DMD: variants seen among roughly 807,000 people sequenced by gnomAD.
DMD encodes dystrophin, also known as mutant dystrophin.
A neutral mutation model predicts 330.1 loss-of-function variants in DMD; 63 were observed. That is an observed-to-expected ratio of 0.19 (90% CI 0.16 to 0.24). DMD has a LOEUF of 0.24. DMD is among the 10% of genes least tolerant of loss of function. DMD has a pLI of 1.00. For missense variants in DMD, 3,344 were observed against 2,684.1 expected, an observed-to-expected ratio of 1.25 and a Z score of -5.43; for synonymous variants, 1,223 against 959.8, an observed-to-expected ratio of 1.27 and a Z score of -5.07.
intron 2 of DMD, among the ~76,000 whole-genome samples, chrX:32,860,127 T>C (rs151139993): frequency 0.019 from 2,118 of 111,805 alleles, 53 homozygotes; most frequent in African/African-American, 0.065. Flanking sequence ...GCACAAACAG[T>C]GTTCAAAAAG....
At chrX:32,456,931 A>ACTACCCT (rs2098361846) in intron 25 of DMD, among the ~76,000 whole-genome samples, 1 of 95,645 alleles carries the variant, frequency 1.0e-5, no homozygotes. Flanking sequence ...ATGCAGGTCT[A>ACTACCCT]GGATCATTAG....
intron 55 of DMD, chrX:31,508,110 A>T (rs1569548059): frequency 2.0e-5 from 13 of 661,236 alleles, no homozygotes; most frequent in Non-Finnish European, 3.1e-5. Flanking sequence ...GGTGGAAAGT[A>T]CATAGGACCT....
chrX:31,951,305 T>G (rs1480964591), intron 45 of DMD, among the ~76,000 whole-genome samples: 1 of 105,934 alleles, frequency 9.4e-6, no homozygotes, highest in Admixed American at 1.0e-4. Flanking sequence ...ACAGGTCAGG[T>G]GTGAAATTTT....
chrX:31,445,493 C>T (rs764464058), intron 59 of DMD, among the ~76,000 whole-genome samples: 13 of 112,075 alleles, frequency 1.2e-4, no homozygotes, highest in Non-Finnish European at 2.3e-4. Context: ...ATTCTAAATT[C>T]TACTCATGTC....
At position 31,260,970 on chromosome X, in the gene DMD, G is replaced by A. The variant is rs759307847; in HGVS notation, c.9271C>T (p.Leu3091Phe). 2.5e-6 allele frequency: 3 copies of A among 1,210,841 alleles called. No homozygotes were observed. Among genetic ancestry groups the A allele is most frequent in the Non-Finnish European group, 3.4e-6 (3 of 894,816 alleles). Residue 3091 changes from leucine to phenylalanine, a missense_variant, in exon 63 of 79, where the codon CTC becomes TTC. By Grantham distance (22) the Leu-to-Phe change is conservative. Coordinates refer to ENST00000357033, the MANE Select transcript of DMD (RefSeq NM_004006.3). ...ATGTCCTTACCTAAAGACTGGTAGA[G>A]CTCTGTCATTTTGGGATGGTCCCAG... is the stretch of plus-strand genomic sequence containing the variant. ...TCWDHPKMTE[L>F]YQSLADLNNV... is the part of the protein sequence containing the mutation.
chrX:31,841,916 T>C (rs977511559), intron 48 of DMD, among the ~76,000 whole-genome samples: 3 of 112,334 alleles, frequency 2.7e-5, no homozygotes, highest in African/African-American at 9.7e-5. Flanking sequence ...CATTCTGCAG[T>C]CCTTGGACAA....
intron 55 of DMD, among the ~76,000 whole-genome samples, chrX:31,604,145 C>G (rs1269243303): frequency 1.8e-5 from 2 of 112,031 alleles, no homozygotes; most frequent in African/African-American, 6.5e-5. Context: ...TATGTAGTCT[C>G]CAAATTTGAA....
intron 43 of DMD, among the ~76,000 whole-genome samples, chrX:32,217,939 G>A (rs1019456532): frequency 1.8e-5 from 2 of 111,561 alleles, no homozygotes; most frequent in African/African-American, 6.5e-5. Flanking sequence ...TAAACTATGC[G>A]ATGCCTTCTT....
chrX:32,236,093 C>T (rs2097186719), intron 43 of DMD, among the ~76,000 whole-genome samples: 1 of 111,575 alleles, frequency 9.0e-6, no homozygotes, highest in South Asian at 3.7e-4. Context: ...GGATTTCCTC[C>T]TCAGCAATGA....
At chrX:31,908,537 C>T (rs1031767940) in intron 47 of DMD, among the ~76,000 whole-genome samples, 13 of 103,932 alleles carry the variant, frequency 1.3e-4, no homozygotes, top group African/African-American at 3.2e-4. Flanking sequence ...TTGGACACAG[C>T]GCAGGCAACA....
intron 12 of DMD, among the ~76,000 whole-genome samples, chrX:32,602,400 T>G (rs1250841733): frequency 8.9e-6 from 1 of 111,831 alleles, no homozygotes; most frequent in African/African-American, 3.2e-5. Context: ...TAAAATGCCT[T>G]TACTGAAAAT....
intron 51 of DMD, among the ~76,000 whole-genome samples, chrX:31,751,897 T>C (rs935218304): frequency 2.7e-5 from 3 of 112,040 alleles, no homozygotes; most frequent in African/African-American, 9.7e-5. Flanking sequence ...CTAGAAACAA[T>C]GTGTTGGCAG....
chrX:31,213,251 C>T (rs2044953315), intron 64 of DMD, among the ~76,000 whole-genome samples: 1 of 112,619 alleles, frequency 8.9e-6, no homozygotes, highest in Admixed American at 9.3e-5. Flanking sequence ...CAGTGCAGAG[C>T]CCTGGTCAAA....
chrX:31,188,058 A>C (rs1465501755), intron 67 of DMD, among the ~76,000 whole-genome samples: 1 of 112,343 alleles, frequency 8.9e-6, no homozygotes, highest in Admixed American at 9.4e-5. Flanking sequence ...TTCTATGCTT[A>C]AAGGTTGAAC....
At chrX:32,563,507 T>C (rs754041904) in intron 16 of DMD, among the ~76,000 whole-genome samples, 19 of 111,329 alleles carry the variant, frequency 1.7e-4, no homozygotes, top group Non-Finnish European at 3.0e-4. Flanking sequence ...AGTGAAGAGA[T>C]ACATGCTGTA....
chrX:31,845,497 C>A lies in DMD; in HGVS notation c.7099-8678G>T, dbSNP rs751013109. Among the ~76,000 whole-genome samples, 8 of 103,628 alleles carry A rather than the reference C, an allele frequency of 7.7e-5. No individual in the cohort carries two copies. The South Asian group carries it at 3.3e-3, about 43-fold the overall frequency. 90.0% of individuals were successfully genotyped at this position (103,628 alleles called of 115,157 possible). On this transcript the variant is annotated intron_variant, in intron 48 of 78. Transcript: ENST00000357033. ...AAGAGCTTAGTACTTTGTAATATTT[C>A]TTGGATACCAACCCTGATTTGACTC... is the stretch of plus-strand genomic sequence containing the variant.
chrX:32,837,526 A>C (rs150620306), intron 4 of DMD, among the ~76,000 whole-genome samples: 2,954 of 111,504 alleles, frequency 0.026, 86 homozygotes, highest in African/African-American at 0.091. Context: ...TTAGGTTTAG[A>C]TGTAGTAAAG....
intron 55 of DMD, among the ~76,000 whole-genome samples, chrX:31,593,622 C>T (rs969281424): frequency 1.8e-5 from 2 of 110,543 alleles, no homozygotes; most frequent in South Asian, 3.7e-4. Context: ...TTCCCCATGC[C>T]TCGTCATAAA....
At chrX:32,728,019 G>A (rs2067094845) in intron 7 of DMD, among the ~76,000 whole-genome samples, 1 of 111,315 alleles carries the variant, frequency 9.0e-6, no homozygotes, top group South Asian at 3.7e-4. Context: ...TTTTAGGCAA[G>A]GCCTCTATCA....
Sources: allele counts gnomAD v4.1 joint callset (sites outside exome capture counted in the v4.1 genomes callset), GRCh38; gene constraint gnomAD v4.1.1; transcripts MANE v1.5; gene names NCBI Gene and HGNC (gene_info 2026-07-23, HGNC 2026-07-21).